The following RBFOX3 variants were observed in gnomAD, a reference collection of about 807,000 sequenced individuals.
RBFOX3 encodes the protein RNA binding protein fox-1 homolog 3.
Under a neutral mutation model 48.7 loss-of-function variants are expected in RBFOX3, and 17 were observed. The observed-to-expected ratio is 0.35, with a 90% CI of 0.24 to 0.52. The LOEUF is 0.52. Ranked by LOEUF, RBFOX3 falls within the 20% of genes least tolerant of loss-of-function variation. The pLI is 0.94. For missense variants in RBFOX3, 382 were observed against 497.5 expected (o/e 0.77, Z 2.21); for synonymous variants, 212 against 209.5 (o/e 1.01, Z -0.10).
At position 79,457,488 on chromosome 17, in the gene RBFOX3, C is replaced by T. The variant is rs542781439; in HGVS notation, c.-175+24966G>A. 2.4e-4 allele frequency among the ~76,000 whole-genome samples: 37 copies of T among 152,336 alleles called. No homozygotes were observed. In the South Asian group the frequency reaches 5.2e-3, roughly 21 times the overall value. On this transcript the variant is annotated intron_variant, in intron 2 of 14. Coordinates refer to ENST00000693108, the MANE Select transcript of RBFOX3 (RefSeq NM_001350451.2). Reference sequence around the variant, plus strand: ...ACACGTGGCCGCTAACTCCTTCTAACGCGCCTTCATGTCCTGCTCAACATC... The same window carrying T: ...ACACGTGGCCGCTAACTCCTTCTAATGCGCCTTCATGTCCTGCTCAACATC...
intron 2 of RBFOX3, among the ~76,000 whole-genome samples, chr17:79,398,816 C>A (rs1204802959): frequency 6.6e-6 from 1 of 152,192 alleles, no homozygotes; most frequent in Non-Finnish European, 1.5e-5. Context: ...CTCACTTCGC[C>A]CACCCAACAC....
chr17:79,264,488 A>C (rs949228007), intron 3 of RBFOX3, among the ~76,000 whole-genome samples: 4 of 151,982 alleles, frequency 2.6e-5, no homozygotes, highest in African/African-American at 9.7e-5. Flanking sequence ...TACAGGCAGA[A>C]GTCACTGCAC....
chr17:79,395,265 T>A (rs1398767728), intron 2 of RBFOX3, among the ~76,000 whole-genome samples: 1 of 152,204 alleles, frequency 6.6e-6, no homozygotes, highest in African/African-American at 2.4e-5. Flanking sequence ...GCAGGCTCTA[T>A]CTTGAGCAAG....
rs1008141827 is a variant in RBFOX3 at position 79,214,492 on chromosome 17, C to T, written c.-34+21274G>A. 4.0e-5 allele frequency among the ~76,000 whole-genome samples: 6 copies of T among 151,830 alleles called. No individual in the cohort carries two copies. The South Asian group carries it at 8.3e-4, about 21-fold the overall frequency. On this transcript the variant is annotated intron_variant, in intron 4 of 14. Transcript: ENST00000693108. The surrounding 1 kb of genome is among the most constrained non-coding windows in gnomAD (Gnocchi z 4.7). Reference sequence around the variant, plus strand: ...GGGAGGACGCTGCTGCCCACCCTGGCACCCAGGGAGGAGGAGGAGAGATGG... The same window carrying T: ...GGGAGGACGCTGCTGCCCACCCTGGTACCCAGGGAGGAGGAGGAGAGATGG...
chr17:79,624,163 C>A, the RBFOX3 span, among the ~76,000 whole-genome samples: 26 of 152,230 alleles, frequency 1.7e-4, 1 homozygote, highest in East Asian at 5.0e-3. Context: ...TTACGGTAGT[C>A]CTAGAAAACT....
At chr17:79,556,355 A>C (rs2091757544) in intron 1 of RBFOX3, among the ~76,000 whole-genome samples, 1 of 152,204 alleles carries the variant, frequency 6.6e-6, no homozygotes, top group African/African-American at 2.4e-5. Flanking sequence ...CAGCAGTTCC[A>C]TTCGGTGGCA....
intron 1 of RBFOX3, among the ~76,000 whole-genome samples, chr17:79,547,971 C>T (rs1055212847): frequency 6.6e-6 from 1 of 152,192 alleles, no homozygotes; most frequent in Non-Finnish European, 1.5e-5. Context: ...ATCCCCTGAC[C>T]TCCTGGGAGA....
chr17:79,620,999 C>CTTT, the RBFOX3 span, among the ~76,000 whole-genome samples: 2 of 135,874 alleles, frequency 1.5e-5, no homozygotes, highest in African/African-American at 2.7e-5. Flanking sequence ...AATCCAACTT[C>CTTT]TTTTTTTTTT....
Position 79,476,338 on chromosome 17 carries a change from A to C in RBFOX3, c.-175+6116T>G, listed in dbSNP as rs911930461. Among the ~76,000 whole-genome samples, 4 of 152,374 alleles carry C rather than the reference A, an allele frequency of 2.6e-5. No individual in the cohort carries two copies. The East Asian group carries it at 7.7e-4, about 29-fold the overall frequency. ...CCGCTGCTCACTCACAGAGCTCTAA[A>C]GTCACCAAGGAAAAATATTGGCCCG... On this transcript the variant is annotated intron_variant, in intron 2 of 14. Transcript: ENST00000693108.
At chr17:79,559,295 G>A (rs2092008001) in intron 1 of RBFOX3, among the ~76,000 whole-genome samples, 1 of 152,086 alleles carries the variant, frequency 6.6e-6, no homozygotes, top group Non-Finnish European at 1.5e-5. Flanking sequence ...ATGGTGGGTG[G>A]TGAGTGGGTG....
At chr17:79,646,219 T>G in the RBFOX3 span, among the ~76,000 whole-genome samples, 2 of 152,290 alleles carry the variant, frequency 1.3e-5, no homozygotes, top group East Asian at 3.9e-4. Flanking sequence ...TCACACACAC[T>G]GAGACCCAGG....
chr17:79,530,939 C>T (rs899952396), intron 1 of RBFOX3, among the ~76,000 whole-genome samples: 9 of 152,326 alleles, frequency 5.9e-5, no homozygotes, highest in Admixed American at 2.0e-4. Context: ...GTCAGAGCCA[C>T]GTGGCTGTGC....
Position 79,432,553 on chromosome 17 carries a change from A to G in RBFOX3, c.-175+49901T>C, listed in dbSNP as rs549713623. ...GTGCAACCTGTTTCGTTAAAAAAAA[A>G]TCTGCCTCATTTGTTTGAAGTGTAA... On this transcript the variant is annotated intron_variant, in intron 2 of 14. Coordinates refer to ENST00000693108, the MANE Select transcript of RBFOX3 (RefSeq NM_001350451.2). Among the ~76,000 whole-genome samples the G allele has an allele frequency of 1.3e-3, 192 of 152,340 alleles. 2 individuals are homozygous for G. The highest frequency in any genetic ancestry group is 4.4e-3 in the African/African-American group (184 of 41,574).
chr17:79,537,684 C>T (rs550037089), intron 1 of RBFOX3, among the ~76,000 whole-genome samples: 1 of 152,312 alleles, frequency 6.6e-6, no homozygotes, highest in African/African-American at 2.4e-5. Context: ...GACTTTGAAA[C>T]TGTGGAGCAT....
chr17:79,463,693 TGC>T (rs2075887411), intron 2 of RBFOX3, among the ~76,000 whole-genome samples: 1 of 50,228 alleles, frequency 2.0e-5, no homozygotes, highest in South Asian at 6.8e-4. Flanking sequence ...CCACTGCCAC[TGC>T]CATCACCACT....
chr17:79,519,390 G>A (rs1184646688), intron 1 of RBFOX3, among the ~76,000 whole-genome samples: 1 of 152,232 alleles, frequency 6.6e-6, no homozygotes, highest in Non-Finnish European at 1.5e-5. Context: ...GAATGGCCCC[G>A]GCTTTGCAGC....
chr17:79,291,062 G>A (rs1018632086), intron 3 of RBFOX3, among the ~76,000 whole-genome samples: 1 of 152,238 alleles, frequency 6.6e-6, no homozygotes, highest in Non-Finnish European at 1.5e-5. Flanking sequence ...CAAATGAAAG[G>A]TGTGGTGTTG....
At chr17:79,274,772 C>G (rs893308672) in intron 3 of RBFOX3, among the ~76,000 whole-genome samples, 3 of 152,104 alleles carry the variant, frequency 2.0e-5, no homozygotes, top group Non-Finnish European at 4.4e-5. Flanking sequence ...GCAGCTTCAG[C>G]GAAAGCCCAG....
chr17:79,222,008 A>T (rs899904727), intron 4 of RBFOX3, among the ~76,000 whole-genome samples: 1 of 152,134 alleles, frequency 6.6e-6, no homozygotes, highest in Admixed American at 6.5e-5. Flanking sequence ...AGCCACAAAC[A>T]CCTGAGGGTA....
Sources: gnomAD v4.1 joint callset for allele counts (sites outside exome capture counted in the v4.1 genomes callset) on GRCh38, gnomAD v4.1.1 for gene constraint, Gnocchi (gnomAD v3.1) non-coding constraint, MANE v1.5 for transcripts, NCBI Gene and HGNC (gene_info 2026-07-23, HGNC 2026-07-21) for gene names.